PTPRD: variants seen among roughly 807,000 people sequenced by gnomAD.
The protein encoded by PTPRD is receptor-type tyrosine-protein phosphatase delta.
A neutral mutation model predicts 214.5 loss-of-function variants in PTPRD; 34 were observed. The observed-to-expected ratio is 0.16, with a 90% CI of 0.12 to 0.21. The LOEUF (loss-of-function observed/expected upper bound fraction) is 0.21. Ranked by LOEUF, PTPRD falls within the 10% of genes least tolerant of loss-of-function variation. The pLI, the probability that PTPRD is intolerant of heterozygous loss-of-function variation, is 1.00. For missense variants in PTPRD, 2,545 were observed against 2,398.7 expected, an observed-to-expected ratio of 1.06 and a Z score of -1.27; for synonymous variants, 1,128 against 845.7, an observed-to-expected ratio of 1.33 and a Z score of -5.79.
intron 2 of PTPRD, among the ~76,000 whole-genome samples, chr9:10,413,261 T>A (rs992559213): frequency 6.6e-6 from 1 of 151,938 alleles, no homozygotes; most frequent in Non-Finnish European, 1.5e-5. Flanking sequence ...TTCAGCTAAG[T>A]CTCAGGATAT....
At chr9:10,142,679 A>G (rs1424206882) in intron 3 of PTPRD, among the ~76,000 whole-genome samples, 1 of 148,622 alleles carries the variant, frequency 6.7e-6, no homozygotes, top group Non-Finnish European at 1.5e-5. Flanking sequence ...TGTTGGTGGG[A>G]CTGTAAACTA....
intron 11 of PTPRD, among the ~76,000 whole-genome samples, chr9:8,956,443 TTTTC>T (rs558507712): frequency 5.0e-4 from 76 of 152,056 alleles, no homozygotes; most frequent in African/African-American, 1.5e-3. Context: ...CTATTTTTCT[TTTTC>T]TTTCTTTCTT....
chr9:9,564,157 G>A (rs2083697779), intron 8 of PTPRD, among the ~76,000 whole-genome samples: 1 of 152,100 alleles, frequency 6.6e-6, no homozygotes, highest in Non-Finnish European at 1.5e-5. Flanking sequence ...AGAAACACCA[G>A]CTGAGCTTTT....
chr9:10,001,676 AAAT>A (rs1208055789), intron 4 of PTPRD, among the ~76,000 whole-genome samples: 4 of 152,148 alleles, frequency 2.6e-5, no homozygotes, highest in African/African-American at 4.8e-5. Context: ...AACATAGGAG[AAAT>A]AATAAAATAA....
intron 2 of PTPRD, among the ~76,000 whole-genome samples, chr9:10,560,449 C>T (rs747891334): frequency 6.6e-6 from 1 of 152,014 alleles, no homozygotes; most frequent in East Asian, 1.9e-4. Context: ...GGGAGATATA[C>T]CTAATGCTAG....
chr9:9,741,012 T>G (rs755456129), intron 6 of PTPRD, among the ~76,000 whole-genome samples: 1 of 152,168 alleles, frequency 6.6e-6, no homozygotes, highest in Non-Finnish European at 1.5e-5. Context: ...AGAGACTTGA[T>G]AATGGAAAGA....
intron 4 of PTPRD, among the ~76,000 whole-genome samples, chr9:9,941,044 C>G (rs1483254388): frequency 6.6e-6 from 1 of 152,102 alleles, no homozygotes; most frequent in Non-Finnish European, 1.5e-5. Context: ...ATAAGATACA[C>G]TAACACTAAT....
At chr9:10,512,131 G>A (rs193300620) in intron 2 of PTPRD, among the ~76,000 whole-genome samples, 29 of 149,012 alleles carry the variant, frequency 1.9e-4, no homozygotes, top group Admixed American at 1.6e-3. Context: ...GCCAGATCAG[G>A]CTATAGATGG....
rs200041690 is a variant in PTPRD at position 8,355,819 on chromosome 9, G to A, written c.4662-13841C>T. On this transcript the variant is annotated intron_variant, in intron 39 of 45. Transcript: ENST00000381196. ...TAAGTCTGGGGTGGGACCAAAGATT[G>A]TGCATTTCCAACAAGTTCTAAAGCC... 2.0e-5 allele frequency among the ~76,000 whole-genome samples: 3 copies of A among 152,164 alleles called. No homozygotes were observed. The East Asian group carries it at 5.8e-4, about 29-fold the overall frequency.
chr9:9,636,391 A>T (rs2095767288), intron 7 of PTPRD, among the ~76,000 whole-genome samples: 1 of 152,216 alleles, frequency 6.6e-6, no homozygotes, highest in Non-Finnish European at 1.5e-5. Context: ...ATATTAGATA[A>T]TTACTTTAGA....
At chr9:9,903,050 CATATGTAT>C (rs2076761494) in intron 5 of PTPRD, among the ~76,000 whole-genome samples, 1 of 151,002 alleles carries the variant, frequency 6.6e-6, no homozygotes, top group African/African-American at 2.5e-5. Context: ...AAGGATTTTA[CATATGTAT>C]ATGTGTATTT....
rs147814153 is a variant in PTPRD, at chr9:8,683,140, G to A, written c.65-46296C>T. On this transcript the variant is annotated intron_variant, in intron 12 of 45. Coordinates refer to ENST00000381196, the MANE Select transcript of PTPRD (RefSeq NM_002839.4). ...CAGGCTTGGAAGAAAAGGTGGATCT[G>A]GCTTAAGAAGGCATACCACTTTTGA... is the stretch of plus-strand genomic sequence containing the variant. Among the ~76,000 whole-genome samples, 142 of 152,204 alleles carry A rather than the reference G, an allele frequency of 9.3e-4. 1 individual carries two copies. Among genetic ancestry groups the A allele is most frequent in the African/African-American group, 3.4e-3 (141 of 41,538 alleles).
At chr9:9,288,159 G>T (rs753830777) in intron 9 of PTPRD, among the ~76,000 whole-genome samples, 2 of 151,660 alleles carry the variant, frequency 1.3e-5, no homozygotes, top group Non-Finnish European at 2.9e-5. Flanking sequence ...CCTATAAAAG[G>T]AATGTTTTAT....
At chr9:9,153,338 T>C (rs28709980) in intron 10 of PTPRD, among the ~76,000 whole-genome samples, 46 of 152,330 alleles carry the variant, frequency 3.0e-4, no homozygotes, top group Middle Eastern at 3.4e-3. Context: ...TCAGCTTACA[T>C]TCTTGGCGCT....
intron 5 of PTPRD, among the ~76,000 whole-genome samples, chr9:9,862,332 G>A (rs892230919): frequency 1.3e-5 from 2 of 152,194 alleles, no homozygotes; most frequent in Non-Finnish European, 2.9e-5. Context: ...CACAAATTAG[G>A]TTAATGAAAG....
At position 10,507,502 on chromosome 9, in the gene PTPRD, G is replaced by A. The variant is rs184427197; in HGVS notation, c.-600+104896C>T. ...GCCCGCATTGCCAAGACAATCCTAA[G>A]CCAAAAGAACAAAGCTGGAGGAATC... On this transcript the variant is annotated intron_variant, in intron 2 of 45. Transcript: ENST00000381196. Among the ~76,000 whole-genome samples the A allele has an allele frequency of 4.2e-3, 642 of 152,178 alleles. 4 individuals are homozygous for A. Among genetic ancestry groups the A allele is most frequent in the African/African-American group, 0.015 (618 of 41,528 alleles).
At chr9:9,807,708 T>A (rs755863901) in intron 5 of PTPRD, among the ~76,000 whole-genome samples, 2 of 152,216 alleles carry the variant, frequency 1.3e-5, no homozygotes, top group Non-Finnish European at 2.9e-5. Context: ...ACTAGTGGTA[T>A]TTTCATTTAC....
At chr9:9,245,658 T>C (rs572505063) in intron 9 of PTPRD, among the ~76,000 whole-genome samples, 51 of 152,122 alleles carry the variant, frequency 3.4e-4, no homozygotes, top group African/African-American at 1.2e-3. Flanking sequence ...TTAGGAGATA[T>C]ACTTAATGCT....
chr9:9,063,436 G>A (rs868338827), intron 10 of PTPRD, among the ~76,000 whole-genome samples: 1 of 152,074 alleles, frequency 6.6e-6, no homozygotes, highest in South Asian at 2.1e-4. Flanking sequence ...GGTGACTTAG[G>A]ATAAGAGAAA....
Sources: gnomAD v4.1 joint callset for allele counts (sites outside exome capture counted in the v4.1 genomes callset) on GRCh38, gnomAD v4.1.1 for gene constraint, MANE v1.5 for transcripts, NCBI Gene and HGNC (gene_info 2026-07-23, HGNC 2026-07-21) for gene names.